The following ST7 variants were observed in gnomAD, a reference collection of about 807,000 sequenced individuals.
The protein encoded by ST7 is suppressor of tumorigenicity 7 protein.
A neutral mutation model predicts 78.7 loss-of-function variants in ST7; 28 were observed. The observed-to-expected ratio is 0.36, with a 90% CI of 0.26 to 0.49. ST7 has a LOEUF of 0.49. Ranked by LOEUF, ST7 falls within the 20% of genes least tolerant of loss-of-function variation. ST7 has a pLI of 0.99. For synonymous variants in ST7, 247 were observed against 249.6 expected (o/e 0.99, Z 0.10); for missense variants, 418 against 696.0 (o/e 0.60, Z 4.49).
At chr7:116,967,675 C>T (rs1460565375) in intron 1 of ST7, among the ~76,000 whole-genome samples, 2 of 152,158 alleles carry the variant, frequency 1.3e-5, no homozygotes, top group East Asian at 1.9e-4. Flanking sequence ...TGATGAGTAC[C>T]TCATAGGACT....
chr7:117,214,643 A>C (rs1792547258), intron 13 of ST7, among the ~76,000 whole-genome samples: 1 of 151,952 alleles, frequency 6.6e-6, no homozygotes, highest in Non-Finnish European at 1.5e-5. Context: ...ACTTACCCTA[A>C]TAGCCAGACT....
chr7:117,002,826 T>C (rs1025804250), intron 1 of ST7, among the ~76,000 whole-genome samples: 2 of 131,548 alleles, frequency 1.5e-5, no homozygotes, highest in African/African-American at 5.7e-5. Context: ...TTTTTTTTTT[T>C]TTTTTTTTTT....
chr7:117,065,451 T>C (rs1383460150), intron 1 of ST7, among the ~76,000 whole-genome samples: 2 of 152,094 alleles, frequency 1.3e-5, no homozygotes, highest in African/African-American at 4.8e-5. Flanking sequence ...CCTCGTGATC[T>C]GCCTGCCTCG....
chr7:117,055,871 G>T (rs932722561), intron 1 of ST7, among the ~76,000 whole-genome samples: 1 of 152,142 alleles, frequency 6.6e-6, no homozygotes, highest in Non-Finnish European at 1.5e-5. Context: ...AATTTATTAA[G>T]TATTAACTTA....
intron 9 of ST7, among the ~76,000 whole-genome samples, chr7:117,154,552 T>A (rs1806542219): frequency 6.6e-6 from 1 of 152,278 alleles, no homozygotes; most frequent in South Asian, 2.1e-4. Flanking sequence ...TTTACTTGAT[T>A]AGATAGAAGA....
intron 10 of ST7, among the ~76,000 whole-genome samples, chr7:117,174,837 C>T (rs948959071): frequency 6.6e-6 from 1 of 152,162 alleles, no homozygotes; most frequent in Non-Finnish European, 1.5e-5. Context: ...AAATAACTTA[C>T]AAGACCACAT....
intron 9 of ST7, among the ~76,000 whole-genome samples, chr7:117,169,367 C>G (rs1191390436): frequency 6.6e-6 from 1 of 151,890 alleles, no homozygotes; most frequent in African/African-American, 2.4e-5. Context: ...AACTCCTGAC[C>G]TCAGGTGATC....
intron 1 of ST7, among the ~76,000 whole-genome samples, chr7:117,015,253 T>G (rs911402191): frequency 6.6e-6 from 1 of 152,200 alleles, no homozygotes; most frequent in Non-Finnish European, 1.5e-5. Flanking sequence ...TGGATCATAC[T>G]TAAATGGACT....
At chr7:117,051,850 G>C (rs1408225748) in intron 1 of ST7, among the ~76,000 whole-genome samples, 1 of 152,180 alleles carries the variant, frequency 6.6e-6, no homozygotes, top group Non-Finnish European at 1.5e-5. Flanking sequence ...AGATGGATGG[G>C]AGTGCCATTA....
rs368520848 is a variant in ST7 at position 117,099,781 on chromosome 7, A to G, written c.171A>G (p.Thr57=). 1.2e-6 allele frequency: 2 copies of G among 1,613,430 alleles called. No individual in the cohort carries two copies. The highest frequency in any genetic ancestry group is 1.7e-5 in the Admixed American group (1 of 59,928). Residue 57 remains threonine (T), a synonymous_variant, in exon 2 of 16, where the codon ACA becomes ACG. Transcript: ENST00000323984. The part of the protein sequence containing the change: ...NLSTVSMFLN[T]LTPKFYVALT... ...TTTCAGTGAGCATGTTTTTGAACACATTAACACCGAAGTTCTACGTGGCCC... is the reference window on the plus strand; with the variant it reads ...TTTCAGTGAGCATGTTTTTGAACACGTTAACACCGAAGTTCTACGTGGCCC...
At chr7:117,195,554 C>T (rs189820301) in intron 12 of ST7, among the ~76,000 whole-genome samples, 8 of 152,122 alleles carry the variant, frequency 5.3e-5, no homozygotes, top group Non-Finnish European at 7.3e-5. Flanking sequence ...GCTAGGGAGG[C>T]CTCAGGAAAC....
intron 1 of ST7, among the ~76,000 whole-genome samples, chr7:117,096,944 G>A (rs995601671): frequency 2.0e-5 from 3 of 151,696 alleles, no homozygotes; most frequent in Non-Finnish European, 4.4e-5. Flanking sequence ...TCCTATACAT[G>A]GATATACCAG....
chr7:116,980,348 TGAGTCC>T (rs754054139), intron 1 of ST7, among the ~76,000 whole-genome samples: 9 of 152,338 alleles, frequency 5.9e-5, no homozygotes, highest in Non-Finnish European at 1.0e-4. Flanking sequence ...GTAGTTTATC[TGAGTCC>T]GAACACTTCC....
At chr7:117,004,574 T>C (rs928780721) in intron 1 of ST7, among the ~76,000 whole-genome samples, 6 of 151,942 alleles carry the variant, frequency 3.9e-5, no homozygotes, top group Admixed American at 3.9e-4. Flanking sequence ...GACCAGAGAA[T>C]TGCTTGATCC....
chr7:117,126,981 A>G (rs111973152), intron 3 of ST7, among the ~76,000 whole-genome samples: 429 of 151,944 alleles, frequency 2.8e-3, no homozygotes, highest in African/African-American at 9.5e-3. Flanking sequence ...GTGAGTAGAG[A>G]CTGCACTGTG....
At chr7:117,004,396 C>A (rs767822480) in intron 1 of ST7, among the ~76,000 whole-genome samples, 1 of 152,074 alleles carries the variant, frequency 6.6e-6, no homozygotes, top group African/African-American at 2.4e-5. Flanking sequence ...CTCAACAATT[C>A]GGAAATATGC....
At chr7:117,120,375 A>G (rs1267906279) in intron 3 of ST7, among the ~76,000 whole-genome samples, 3 of 152,228 alleles carry the variant, frequency 2.0e-5, no homozygotes, top group Admixed American at 1.3e-4. Context: ...TCTTGTGTCT[A>G]ACTAGATCTG....
At chr7:117,129,582 C>A (rs1804162829) in intron 3 of ST7, among the ~76,000 whole-genome samples, 2 of 151,816 alleles carry the variant, frequency 1.3e-5, no homozygotes, top group Admixed American at 1.3e-4. Flanking sequence ...GAAACTCAGG[C>A]CCAGAGAGAT....
At chr7:117,052,470 A>T (rs1797835463) in intron 1 of ST7, among the ~76,000 whole-genome samples, 1 of 152,216 alleles carries the variant, frequency 6.6e-6, no homozygotes, top group Non-Finnish European at 1.5e-5. Context: ...CTCATCAGGT[A>T]TTATTCTTTT....
Sources: allele counts gnomAD v4.1 joint callset (sites outside exome capture counted in the v4.1 genomes callset), GRCh38; gene constraint gnomAD v4.1.1; transcripts MANE v1.5; gene names NCBI Gene and HGNC (gene_info 2026-07-23, HGNC 2026-07-21).